The following CASP6 variants were observed in gnomAD, a reference collection of about 807,000 sequenced individuals.
CASP6 encodes the protein caspase 6.
Under a neutral mutation model 31.8 loss-of-function variants are expected in CASP6, and 20 were observed. The ratio of observed to expected loss-of-function variants is 0.63; its 90% CI spans 0.44 to 0.91. CASP6 has a LOEUF of 0.91. Ranked by LOEUF, CASP6 falls within the 40% of genes least tolerant of loss-of-function variation. The pLI is 0.00. For missense variants in CASP6, 328 were observed against 361.1 expected (o/e 0.91, Z 0.74); for synonymous variants, 130 against 127.8 (o/e 1.02, Z -0.12).
chr4:109,694,025 C>T (rs1465683132), intron 5 of CASP6, among the ~76,000 whole-genome samples: 1 of 152,116 alleles, frequency 6.6e-6, no homozygotes, highest in African/African-American at 2.4e-5. Flanking sequence ...TGAGCCATCA[C>T]GCCTGTAAAA....
At chr4:109,686,430 T>C (rs982050165), downstream of CASP6, among the ~76,000 whole-genome samples, 5 of 152,346 alleles carry the variant, frequency 3.3e-5, no homozygotes, top group Middle Eastern at 3.4e-3. Context: ...TGAGCCACCA[T>C]GTCCAGCCAA....
intron 5 of CASP6, among the ~76,000 whole-genome samples, chr4:109,691,622 C>A (rs909186370): frequency 3.9e-5 from 6 of 152,170 alleles, no homozygotes; most frequent in Admixed American, 1.3e-4. Context: ...CAGAGGCTAA[C>A]ATTAAACTCT....
upstream of CASP6, among the ~76,000 whole-genome samples, chr4:109,704,845 CA>C (rs1325321041): frequency 6.6e-6 from 1 of 152,180 alleles, no homozygotes; most frequent in African/African-American, 2.4e-5. Flanking sequence ...ACTGGGATTA[CA>C]GGATGTGCCA....
At chr4:109,691,073 T>C in intron 5 of CASP6, 64 bp from the exon 6 acceptor site, 1 of 1,518,158 alleles carries the variant, frequency 6.6e-7, no homozygotes, top group East Asian at 2.3e-5. Context: ...GCTTAATGTG[T>C]GCAGTGAATG....
downstream of CASP6, chr4:109,687,608 T>C: frequency 1.9e-6 from 3 of 1,547,252 alleles, no homozygotes; most frequent in Non-Finnish European, 1.8e-6. Flanking sequence ...CAGTTTTAAA[T>C]GTCGTCAGAT....
At chr4:109,706,011 TATATATATATATATATATATA>T (rs1311701369), upstream of CASP6, among the ~76,000 whole-genome samples, 1 of 83,538 alleles carries the variant, frequency 1.2e-5, no homozygotes, top group Non-Finnish European at 2.1e-5. Context: ...AATATATATA[TATATATATATATATATATATA>T]ATATATATAA....
chr4:109,668,416 G>T, the CASP6 span, among the ~76,000 whole-genome samples: 1 of 151,932 alleles, frequency 6.6e-6, no homozygotes, highest in Admixed American at 6.6e-5. Flanking sequence ...AGCTTTCCTT[G>T]CTCTAATGTC....
chr4:109,669,401 C>T, the CASP6 span, among the ~76,000 whole-genome samples: 41,315 of 151,736 alleles, frequency 0.27, 6,306 homozygotes, highest in East Asian at 0.47. Context: ...TTTTTCTCTG[C>T]TATAGCTAAG....
At chr4:109,684,333 A>G (rs112530128), downstream of CASP6, 2 of 764,800 alleles carry the variant, frequency 2.6e-6, no homozygotes, top group African/African-American at 3.5e-5. Context: ...GAGTGCTGAG[A>G]TTACAGGCGT....
chr4:109,685,240 T>C (rs773951817), downstream of CASP6: 6 of 1,122,206 alleles, frequency 5.3e-6, no homozygotes, highest in East Asian at 2.3e-5. Context: ...CTCTCTCTCT[T>C]TTTTTTTAAG....
At chr4:109,667,799 C>T in the CASP6 span, among the ~76,000 whole-genome samples, 519 of 151,200 alleles carry the variant, frequency 3.4e-3, 2 homozygotes, top group Middle Eastern at 6.8e-3. Flanking sequence ...CCTATAGATT[C>T]CCCTCTGAGC....
At chr4:109,676,288 C>T in the CASP6 span, among the ~76,000 whole-genome samples, 6 of 152,238 alleles carry the variant, frequency 3.9e-5, no homozygotes, top group African/African-American at 9.6e-5. Context: ...CCTATAATCC[C>T]GGCACTTTAG....
chr4:109,708,082 A>C (rs1483701385), upstream of CASP6, among the ~76,000 whole-genome samples: 2 of 152,228 alleles, frequency 1.3e-5, no homozygotes, highest in Non-Finnish European at 2.9e-5. Flanking sequence ...TTAAGAAATA[A>C]GTATAAGGAA....
In CASP6 at chr4:109,689,583, A is replaced by C; in HGVS notation, c.644-15T>G. Reference sequence around the variant, plus strand: ...AGAATAATATCCTAAAAAAGTGAGAAGGAAAATGTTGCTGCAGTTTTCTGG... The same window carrying C: ...AGAATAATATCCTAAAAAAGTGAGACGGAAAATGTTGCTGCAGTTTTCTGG... On this transcript the variant is annotated splice_polypyrimidine_tract_variant and intron_variant, in intron 6 of 6. Transcript: ENST00000265164. 2 of 1,606,864 alleles carry C rather than the reference A, an allele frequency of 1.2e-6. No homozygotes were observed. The highest frequency in any genetic ancestry group is 1.7e-6 in the Non-Finnish European group (2 of 1,174,046).
At chr4:109,702,425 G>A (rs923081337) in intron 1 of CASP6, among the ~76,000 whole-genome samples, 6 of 151,778 alleles carry the variant, frequency 4.0e-5, no homozygotes, top group African/African-American at 1.5e-4. Flanking sequence ...CACCTCCAGG[G>A]TTCAAACGAT....
downstream of CASP6, chr4:109,688,352 CTGTT>C (rs932017318): frequency 2.0e-5 from 3 of 152,204 alleles, no homozygotes; most frequent in Admixed American, 1.3e-4. Flanking sequence ...GACTGTTGGA[CTGTT>C]TGTAGGAACT....
At chr4:109,684,578 C>T, downstream of CASP6, 2 of 1,602,764 alleles carry the variant, frequency 1.2e-6, no homozygotes, top group Non-Finnish European at 8.5e-7. Flanking sequence ...TATCATGGAG[C>T]CAGTTACATA....
Position 109,697,647 on chromosome 4 carries a change from C to G in CASP6, c.205G>C (p.Ala69Pro). ...LTLPERRGTC[A>P]DRDNLTRRFS... is the part of the protein sequence containing the mutation. ...CTGCGGGTAAGATTGTCTCTATCTG[C>G]GCAGGTGCCCCGCCTTTCTGGCAGT... Residue 69 changes from alanine to proline, a missense_variant, in exon 3 of 7, where the codon GCA becomes CCA. Physicochemically the swap from Ala to Pro is conservative, Grantham distance 27 (BLOSUM62 -1). Coordinates refer to ENST00000265164, the MANE Select transcript of CASP6 (RefSeq NM_001226.4). The G allele has an allele frequency of 1.9e-6, 3 of 1,612,378 alleles. No individual in the cohort carries two copies. The highest frequency in any genetic ancestry group is 2.5e-6 in the Non-Finnish European group (3 of 1,179,380).
downstream of CASP6, chr4:109,684,469 G>A (rs1470190217): frequency 4.3e-6 from 7 of 1,612,002 alleles, no homozygotes; most frequent in East Asian, 2.2e-5. Context: ...AAGCTCATTC[G>A]GAAGCCAAAA....
Sources: allele counts gnomAD v4.1 joint callset (sites outside exome capture counted in the v4.1 genomes callset), GRCh38; gene constraint gnomAD v4.1.1; transcripts MANE v1.5; gene names NCBI Gene and HGNC (gene_info 2026-07-23, HGNC 2026-07-21).